Variants in ARSB observed in about 807,000 individuals in gnomAD.
ARSB encodes N-acetylgalactosamine-4-sulfatase.
Under a neutral mutation model 50.9 loss-of-function variants are expected in ARSB, and 41 were observed. That is an observed-to-expected ratio of 0.81 (90% CI 0.63 to 1.04). The LOEUF is 1.04. Ranked by LOEUF, ARSB falls within the 50% of genes least tolerant of loss-of-function variation. The probability of loss-of-function intolerance (pLI) is 0.00; values close to 1 mark genes in which losing one functional copy is unlikely to be tolerated. For synonymous variants in ARSB, 269 were observed against 284.8 expected (o/e 0.94, Z 0.56); for missense variants, 672 against 693.3 (o/e 0.97, Z 0.35).
chr5:78,814,041 T>G lies in ARSB; in HGVS notation c.1213+25315A>C, dbSNP rs150753114. On this transcript the variant is annotated intron_variant, in intron 6 of 7. Coordinates refer to ENST00000264914, the MANE Select transcript of ARSB (RefSeq NM_000046.5). ...GAAAGAATGAGCTCCAAATATGGAT[T>G]TTATGAGTAAACAAAGGTTCTGTAT... Among the ~76,000 whole-genome samples, 391 of 138,524 alleles carry G rather than the reference T, an allele frequency of 2.8e-3. 29 individuals are homozygous for G. Among genetic ancestry groups the G allele is most frequent in the African/African-American group, 0.01 (369 of 36,012 alleles). The allele number at this position is 138,524 out of a possible 152,430, so 90.9% of individuals were successfully genotyped here.
intron 4 of ARSB, among the ~76,000 whole-genome samples, chr5:78,922,594 G>T (rs2112356735): frequency 6.6e-6 from 1 of 151,864 alleles, no homozygotes; most frequent in South Asian, 2.1e-4. Context: ...TCAGAGCCAG[G>T]CTGGCTTCAG....
At chr5:78,908,167 A>T (rs1469922487) in intron 4 of ARSB, among the ~76,000 whole-genome samples, 2 of 152,106 alleles carry the variant, frequency 1.3e-5, no homozygotes, top group East Asian at 3.8e-4. Flanking sequence ...GGCCCATCAG[A>T]GTCACGTATA....
At chr5:78,904,972 G>A (rs959159527) in intron 4 of ARSB, among the ~76,000 whole-genome samples, 2 of 152,042 alleles carry the variant, frequency 1.3e-5, no homozygotes, top group Non-Finnish European at 2.9e-5. Flanking sequence ...TTACAGGCAC[G>A]AGCCACCACG....
chr5:78,851,753 T>A (rs974108508), intron 5 of ARSB, among the ~76,000 whole-genome samples: 1 of 152,142 alleles, frequency 6.6e-6, no homozygotes, highest in Non-Finnish European at 1.5e-5. Context: ...CCTGTATTGG[T>A]TGCATATATA....
At chr5:78,895,849 G>A (rs1441690659) in intron 4 of ARSB, among the ~76,000 whole-genome samples, 1 of 152,196 alleles carries the variant, frequency 6.6e-6, no homozygotes, top group Non-Finnish European at 1.5e-5. Flanking sequence ...TCAGAGCCAG[G>A]GGAAGAGAGA....
chr5:78,896,065 C>A (rs966157848), intron 4 of ARSB, among the ~76,000 whole-genome samples: 1 of 152,144 alleles, frequency 6.6e-6, no homozygotes, highest in Non-Finnish European at 1.5e-5. Context: ...TATAGTGTGG[C>A]AGCAGCAGAT....
At chr5:78,970,228 T>C (rs1329509039) in intron 1 of ARSB, among the ~76,000 whole-genome samples, 1 of 152,202 alleles carries the variant, frequency 6.6e-6, no homozygotes, top group Non-Finnish European at 1.5e-5. Flanking sequence ...CTTCAACTTT[T>C]ACTAAAAATA....
intron 4 of ARSB, among the ~76,000 whole-genome samples, chr5:78,920,687 T>C (rs886995690): frequency 6.6e-6 from 1 of 152,052 alleles, no homozygotes; most frequent in Non-Finnish European, 1.5e-5. Flanking sequence ...CCCATAGAGC[T>C]CTGCACATCT....
chr5:78,978,853 A>G (rs1005963039), intron 1 of ARSB, among the ~76,000 whole-genome samples: 1 of 152,236 alleles, frequency 6.6e-6, no homozygotes, highest in Admixed American at 6.5e-5. Context: ...AAAGACCTAA[A>G]TGTAAAAACT....
At chr5:78,909,765 T>C (rs184399930) in intron 4 of ARSB, among the ~76,000 whole-genome samples, 66 of 151,970 alleles carry the variant, frequency 4.3e-4, no homozygotes, top group Admixed American at 3.2e-3. Context: ...GACCTGACCA[T>C]CCCCCCAGCC....
intron 1 of ARSB, among the ~76,000 whole-genome samples, chr5:78,975,801 A>G (rs1580154230): frequency 6.6e-6 from 1 of 152,216 alleles, no homozygotes; most frequent in Non-Finnish European, 1.5e-5. Flanking sequence ...TGATCATTTA[A>G]TTGTCCAACA....
intron 5 of ARSB, among the ~76,000 whole-genome samples, chr5:78,850,342 G>T (rs76992307): frequency 1.1e-4 from 16 of 147,846 alleles, no homozygotes; most frequent in South Asian, 4.3e-4. Flanking sequence ...TTTGGTTCTG[G>T]TTATATGCTG....
chr5:78,943,565 A>G (rs1051818667), intron 4 of ARSB, among the ~76,000 whole-genome samples: 1 of 152,154 alleles, frequency 6.6e-6, no homozygotes, highest in Non-Finnish European at 1.5e-5. Context: ...ATGAAAGTCT[A>G]GGTTGAAAAT....
chr5:78,841,602 A>G (rs931461452), intron 5 of ARSB, among the ~76,000 whole-genome samples: 7 of 152,204 alleles, frequency 4.6e-5, no homozygotes, highest in African/African-American at 1.7e-4. Context: ...GCAGCTTTAA[A>G]AGTAGAGTTC....
chr5:78,859,106 G>T (rs1244185722), intron 5 of ARSB, among the ~76,000 whole-genome samples: 1 of 152,172 alleles, frequency 6.6e-6, no homozygotes, highest in Non-Finnish European at 1.5e-5. Context: ...GGGTGTGTGT[G>T]TATGGGGGGC....
Position 78,969,007 on chromosome 5 carries a change from A to G in ARSB, c.498T>C (p.Phe166=). ...LPTRRGFDTY[F]GYLLGSEDYY... ...AAGAAACATGTGCATTTCCATTACC[A>G]AAGTAGGTATCAAATCCTCGGCGGG... Residue 166 remains phenylalanine, a splice_region_variant and synonymous_variant, in exon 2 of 8, where the codon TTT becomes TTC. Transcript: ENST00000264914. 4 of 1,614,160 alleles carry G rather than the reference A, an allele frequency of 2.5e-6. No individual in the cohort carries two copies. Among genetic ancestry groups the G allele is most frequent in the Non-Finnish European group, 3.4e-6 (4 of 1,180,006 alleles).
chr5:78,841,592 G>A (rs189595578), intron 5 of ARSB, among the ~76,000 whole-genome samples: 3 of 152,064 alleles, frequency 2.0e-5, no homozygotes, highest in East Asian at 3.9e-4. Flanking sequence ...ACATAACTAC[G>A]CAGCTTTAAA....
chr5:78,957,299 A>G (rs234687), intron 3 of ARSB, among the ~76,000 whole-genome samples: 70,867 of 152,022 alleles, frequency 0.47, 16,498 homozygotes, highest in African/African-American at 0.53. Context: ...GGTGGTGCTC[A>G]TATTTCATTC....
intron 5 of ARSB, among the ~76,000 whole-genome samples, chr5:78,861,029 C>G (rs1746409111): frequency 1.3e-5 from 2 of 152,238 alleles, no homozygotes; most frequent in Non-Finnish European, 2.9e-5. Context: ...GGATAAATTC[C>G]TCGACACACA....
Sources: allele counts gnomAD v4.1 joint callset (sites outside exome capture counted in the v4.1 genomes callset), GRCh38; gene constraint gnomAD v4.1.1; transcripts MANE v1.5; gene names NCBI Gene and HGNC (gene_info 2026-07-23, HGNC 2026-07-21).